TM2D3: variants seen among roughly 807,000 people sequenced by gnomAD.
TM2D3 encodes the protein TM2 domain containing 3.
TM2D3 carries 33 observed loss-of-function variants against 27.3 expected under a neutral mutation model. The ratio of observed to expected loss-of-function variants is 1.21; its 90% CI spans 0.92 to 1.61. The LOEUF (loss-of-function observed/expected upper bound fraction) is 1.61. TM2D3 is among the 40% of genes most tolerant of loss of function. The pLI is 0.00. For missense variants in TM2D3, 364 were observed against 320.8 expected (o/e 1.13, Z -1.03); for synonymous variants, 138 against 122.2 (o/e 1.13, Z -0.85).
At chr15:101,645,008 C>A (rs1896767172) in intron 5 of TM2D3, 79 bp downstream of exon 5, 8 of 1,234,686 alleles carry the variant, frequency 6.5e-6, no homozygotes, top group South Asian at 6.4e-5. Context: ...ATGAAGGGGA[C>A]TGAGCTCAAT....
chr15:101,638,297 C>T (rs1449066331), downstream of TM2D3, among the ~76,000 whole-genome samples: 1 of 150,714 alleles, frequency 6.6e-6, no homozygotes, highest in Non-Finnish European at 1.5e-5. Flanking sequence ...GACCCCCCCA[C>T]CTTTTTTTTT....
chr15:101,637,903 G>C (rs1412705977), downstream of TM2D3, among the ~76,000 whole-genome samples: 8 of 152,166 alleles, frequency 5.3e-5, no homozygotes, highest in South Asian at 1.4e-3. Context: ...TTCTCTTCGA[G>C]CATTTTGCAA....
Position 101,642,156 on chromosome 15 carries a change from G to A in TM2D3, c.*323C>T. On this transcript the variant is annotated 3_prime_UTR_variant, in exon 6 of 6. Coordinates refer to ENST00000333202, the MANE Select transcript of TM2D3 (RefSeq NM_078474.3). ...TTTCAAGGCAGACTACATTTGGGCT[G>A]GAGATACAAGTGATGTAGTTTGACT... The A allele has an allele frequency of 2.0e-6, 2 of 1,015,720 alleles. No individual in the cohort carries two copies. Among genetic ancestry groups the A allele is most frequent in the Non-Finnish European group, 2.4e-6 (2 of 850,220 alleles). The allele number at this position is 1,015,720 out of a possible 1,614,324, so 62.9% of individuals were successfully genotyped here.
rs145296809 is a variant in TM2D3, at chr15:101,646,870, G to C, written c.357C>G (p.Phe119Leu). 154 of 1,614,180 alleles carry C rather than the reference G, an allele frequency of 9.5e-5. No homozygotes were observed. In the African/African-American group the frequency reaches 1.7e-3, roughly 18 times the overall value. The part of the protein sequence containing the change: ...VDQDFKSQKN[F>L]IINMTCRFCW... ...AAAATCTGCAAGTCATGTTAATGAT[G>C]AAGTTCTTTTGGGATTTGAAGTCTT... The change falls in exon 4 of 6, where the codon TTC (phenylalanine) becomes TTG (leucine). Residue 119 changes from phenylalanine to leucine, a missense_variant. Transcript: ENST00000333202.
chr15:101,651,060 T>C (rs1458510584), intron 2 of TM2D3: 1 of 152,482 alleles, frequency 6.6e-6, no homozygotes, highest in Non-Finnish European at 1.5e-5. Flanking sequence ...AACACACTAA[T>C]GCTTGTTTAA....
intron 4 of TM2D3, chr15:101,646,408 C>T: frequency 3.0e-6 from 1 of 331,704 alleles, no homozygotes. Flanking sequence ...AAGGCAAGCA[C>T]TCAGGCACTC....
chr15:101,639,255 T>C (rs1327265438), downstream of TM2D3, among the ~76,000 whole-genome samples: 1 of 152,144 alleles, frequency 6.6e-6, no homozygotes, highest in African/African-American at 2.4e-5. Flanking sequence ...GTATATACAA[T>C]AAAAGTTTAA....
In TM2D3 at chr15:101,642,686, C is replaced by G. The variant is rs1183141966; in HGVS notation, c.579-42G>C. ...ACAGGATTCCATGAGACCACCTCCACCCCAGCTGTGGCCAGTCACGGTTTA... is the reference window on the plus strand; with the variant it reads ...ACAGGATTCCATGAGACCACCTCCAGCCCAGCTGTGGCCAGTCACGGTTTA... On this transcript the variant is annotated intron_variant, in intron 5 of 5. Coordinates refer to ENST00000333202, the MANE Select transcript of TM2D3 (RefSeq NM_078474.3). The G allele has an allele frequency of 1.2e-5, 18 of 1,523,488 alleles. 1 individual carries two copies. In the Admixed American group the frequency reaches 3.2e-4, roughly 27 times the overall value. The allele number at this position is 1,523,488 out of a possible 1,614,324, so 94.4% of individuals were successfully genotyped here.
chr15:101,647,744 A>T (rs1896852630), intron 3 of TM2D3, among the ~76,000 whole-genome samples: 1 of 152,214 alleles, frequency 6.6e-6, no homozygotes, highest in African/African-American at 2.4e-5. Flanking sequence ...TAAATTTACT[A>T]AAATGGAATT....
downstream of TM2D3, chr15:101,636,862 G>T (rs951074322): frequency 4.3e-5 from 17 of 398,974 alleles, no homozygotes; most frequent in Non-Finnish European, 8.5e-5. Context: ...TTATTTTTTA[G>T]AGACAGTGTC....
chr15:101,633,088 A>G (rs1005565749), exon 5 of TM2D3: 2 of 152,228 alleles, frequency 1.3e-5, no homozygotes, highest in Non-Finnish European at 2.9e-5. Context: ...ACTTTCAAGT[A>G]TGAGGGTGAA....
downstream of TM2D3, among the ~76,000 whole-genome samples, chr15:101,639,650 T>G (rs1896624665): frequency 1.3e-5 from 2 of 152,222 alleles, no homozygotes; most frequent in African/African-American, 4.8e-5. Context: ...TCTTGAAGCA[T>G]AAGATCTTTG....
chr15:101,642,741 G>A, intron 5 of TM2D3, 97 bp from the exon 6 acceptor site: 1 of 1,047,802 alleles, frequency 9.5e-7, no homozygotes, highest in East Asian at 2.9e-5. Context: ...TTTGAGAAAG[G>A]GCTTCCCCTG....
chr15:101,650,281 A>C (rs763100102), intron 2 of TM2D3, 120 bp from the exon 3 acceptor site: 164 of 1,033,252 alleles, frequency 1.6e-4, no homozygotes, highest in Non-Finnish European at 2.2e-4. Context: ...GAAGGGAAGA[A>C]GCATGGGACT....
intron 4 of TM2D3, chr15:101,633,808 AT>A (rs1213622623): frequency 2.4e-6 from 3 of 1,263,856 alleles, no homozygotes; most frequent in Admixed American, 2.5e-5. Context: ...CCAGGAGACA[AT>A]AAAAAATCCA....
At chr15:101,638,643 C>T (rs1432268412), downstream of TM2D3, among the ~76,000 whole-genome samples, 1 of 152,058 alleles carries the variant, frequency 6.6e-6, no homozygotes, top group Admixed American at 6.6e-5. Context: ...GGGCCATTTG[C>T]GGGAGTAATC....
chr15:101,637,952 T>C (rs1047004466), downstream of TM2D3, among the ~76,000 whole-genome samples: 10 of 152,184 alleles, frequency 6.6e-5, no homozygotes, highest in African/African-American at 2.4e-4. Flanking sequence ...CGTGCCCTGA[T>C]AGCTAGGAGT....
At chr15:101,644,886 G>T (rs899186088) in intron 5 of TM2D3, among the ~76,000 whole-genome samples, 10 of 152,140 alleles carry the variant, frequency 6.6e-5, no homozygotes, top group Admixed American at 3.9e-4. Flanking sequence ...GGCATCTTGG[G>T]AGAAAAGCTA....
downstream of TM2D3, among the ~76,000 whole-genome samples, chr15:101,638,451 C>G (rs948584082): frequency 1.3e-5 from 2 of 152,004 alleles, no homozygotes; most frequent in Non-Finnish European, 2.9e-5. Context: ...CCTGCCACCA[C>G]GCCCACCTAA....
Sources: allele counts gnomAD v4.1 joint callset (sites outside exome capture counted in the v4.1 genomes callset), GRCh38; gene constraint gnomAD v4.1.1; transcripts MANE v1.5; gene names NCBI Gene and HGNC (gene_info 2026-07-23, HGNC 2026-07-21).